Variants in COPB2 observed in about 807,000 individuals in gnomAD.
The protein encoded by COPB2 is coatomer subunit beta'.
Under a neutral mutation model 120.8 loss-of-function variants are expected in COPB2, and 16 were observed. The observed-to-expected ratio is 0.13, with a 90% CI of 0.09 to 0.20. The LOEUF is 0.20. Among genes scored for constraint, COPB2 ranks in the 10% least tolerant of loss-of-function variants. COPB2 has a pLI of 1.00. For missense variants in COPB2, 794 were observed against 1,076.5 expected (o/e 0.74, Z 3.67); for synonymous variants, 332 against 366.3 (o/e 0.91, Z 1.07).
At chr3:139,375,909 T>C (rs1941705038) in intron 5 of COPB2, among the ~76,000 whole-genome samples, 1 of 152,122 alleles carries the variant, frequency 6.6e-6, no homozygotes. Context: ...TGAAATTATT[T>C]TATTATAGAT....
chr3:139,364,846 C>T (rs575257127), intron 15 of COPB2, among the ~76,000 whole-genome samples: 1 of 152,224 alleles, frequency 6.6e-6, no homozygotes, highest in South Asian at 2.1e-4. Flanking sequence ...GGCCCAAGGA[C>T]ATCAGATACT....
chr3:139,370,671 T>C (rs561445943), intron 10 of COPB2, among the ~76,000 whole-genome samples: 3 of 152,174 alleles, frequency 2.0e-5, no homozygotes, highest in African/African-American at 7.2e-5. Flanking sequence ...TGGCTATCAC[T>C]GGATATTTAA....
In COPB2 at chr3:139,361,338, A is replaced by G. The variant is rs1053754913; in HGVS notation, c.1996-43T>C. ...CCAAGTTAAAATATCTTTAGAAATAAGCATTTACATTTCCAACATTATTCT... is the reference window on the plus strand; with the variant it reads ...CCAAGTTAAAATATCTTTAGAAATAGGCATTTACATTTCCAACATTATTCT... On this transcript the variant is annotated intron_variant, in intron 16 of 21. Coordinates refer to ENST00000333188, the MANE Select transcript of COPB2 (RefSeq NM_004766.3). 5.8e-6 allele frequency: 9 copies of G among 1,562,688 alleles called. No homozygotes were observed. The African/African-American group carries it at 8.2e-5, about 14-fold the overall frequency.
At position 139,357,467 on chromosome 3, in the gene COPB2, A is replaced by G. The variant is rs1941310154; in HGVS notation, c.*396T>C. 5.5e-6 allele frequency: 1 copy of G among 183,370 alleles called. No individual in the cohort carries two copies. The highest frequency in any genetic ancestry group is 1.1e-5 in the Non-Finnish European group (1 of 88,972). 11.4% of individuals were successfully genotyped at this position (183,370 alleles called of 1,614,324 possible). A position where few individuals can be genotyped will look rare whatever the true frequency, so the allele number is the denominator to read the frequency against. On this transcript the variant is annotated 3_prime_UTR_variant, in exon 22 of 22. Coordinates refer to ENST00000333188, the MANE Select transcript of COPB2 (RefSeq NM_004766.3). ...AAAATGTGATTGACAACATTTGAAA[A>G]TGCAGATTTAGTTATACAAAGAAAA...
chr3:139,360,145 A>G (rs1221003324), intron 17 of COPB2, among the ~76,000 whole-genome samples: 1 of 151,944 alleles, frequency 6.6e-6, no homozygotes, highest in Non-Finnish European at 1.5e-5. Flanking sequence ...ATTCACATAC[A>G]TACAATGGGG....
intron 12 of COPB2, among the ~76,000 whole-genome samples, chr3:139,368,855 TCTA>T (rs1941571369): frequency 6.6e-6 from 1 of 152,192 alleles, no homozygotes; most frequent in Admixed American, 6.5e-5. Flanking sequence ...AGCGGGCAGT[TCTA>T]AAGGTAAACA....
At chr3:139,381,995 A>G (rs1176839566) in intron 2 of COPB2, 1 of 152,238 alleles carries the variant, frequency 6.6e-6, no homozygotes, top group Non-Finnish European at 1.5e-5. Context: ...AACTAGTGAT[A>G]AGTGAAATGC....
At chr3:139,381,975 A>G (rs954060463) in intron 2 of COPB2, 1 of 152,256 alleles carries the variant, frequency 6.6e-6, no homozygotes, top group Admixed American at 6.5e-5. Flanking sequence ...TGTAGAGAAC[A>G]CAAATACTGA....
chr3:139,358,668 G>A (rs1941344341), intron 20 of COPB2, 76 bp downstream of exon 20: 5 of 1,055,706 alleles, frequency 4.7e-6, no homozygotes, highest in Middle Eastern at 2.0e-4. Context: ...GCAATGGAGC[G>A]AAACTCTGTC....
intron 4 of COPB2, 78 bp from the exon 5 acceptor site, chr3:139,378,267 G>A: frequency 7.4e-7 from 1 of 1,346,302 alleles, no homozygotes; most frequent in East Asian, 2.4e-5. Flanking sequence ...TTTAGAAGAA[G>A]CAAACCTAAC....
chr3:139,360,185 G>A (rs1941385406), intron 17 of COPB2, among the ~76,000 whole-genome samples: 3 of 63,860 alleles, frequency 4.7e-5, no homozygotes. Flanking sequence ...GGCGAAGTAT[G>A]GGATTGTAAA....
At position 139,389,621 on chromosome 3, in the gene COPB2, A is replaced by T; in HGVS notation, c.-71T>A. 1 of 1,457,398 alleles carries T rather than the reference A, an allele frequency of 6.9e-7. No individual in the cohort carries two copies. Among genetic ancestry groups the T allele is most frequent in the Non-Finnish European group, 9.4e-7 (1 of 1,062,120 alleles). 90.3% of individuals were successfully genotyped at this position (1,457,398 alleles called of 1,614,324 possible). A position where few individuals can be genotyped will look rare whatever the true frequency, so the allele number is the denominator to read the frequency against. ...CTCAGGCCTTGAGATAAACCCACCG[A>T]TCCACTGACCGTCAGACTGACTGAC... On this transcript the variant is annotated 5_prime_UTR_variant, in exon 1 of 22. Coordinates refer to ENST00000333188, the MANE Select transcript of COPB2 (RefSeq NM_004766.3).
At position 139,373,650 on chromosome 3, in the gene COPB2, G is replaced by C; in HGVS notation, c.894+16C>G. 1 of 1,613,896 alleles carries C rather than the reference G, an allele frequency of 6.2e-7. No homozygotes were observed. The highest frequency in any genetic ancestry group is 8.5e-7 in the Non-Finnish European group (1 of 1,179,948). ...TTTTGCCTATGTCCACCTACTGAGA[G>C]GGATAGTATAATTACCTTAACAATG... On this transcript the variant is annotated intron_variant, in intron 8 of 21. Transcript: ENST00000333188.
chr3:139,375,747 C>G, intron 5 of COPB2, 133 bp from the exon 6 acceptor site: 2 of 1,154,186 alleles, frequency 1.7e-6, no homozygotes, highest in Middle Eastern at 2.5e-4. Flanking sequence ...TATTTTTTAT[C>G]CTGTTTGGTT....
At chr3:139,368,018 G>C in intron 13 of COPB2, 127 bp downstream of exon 13, 2 of 950,114 alleles carry the variant, frequency 2.1e-6, no homozygotes, top group Non-Finnish European at 2.8e-6. Context: ...CATTTCACCA[G>C]AAATCCTTAA....
At chr3:139,376,803 G>A (rs953688331) in intron 5 of COPB2, among the ~76,000 whole-genome samples, 3 of 152,150 alleles carry the variant, frequency 2.0e-5, no homozygotes, top group Non-Finnish European at 2.9e-5. Flanking sequence ...AAGTTGGAGC[G>A]CAGTGGCGCA....
chr3:139,361,455 G>A (rs919363550), intron 16 of COPB2, among the ~76,000 whole-genome samples, 160 bp from the exon 17 acceptor site: 2 of 151,152 alleles, frequency 1.3e-5, no homozygotes, highest in African/African-American at 4.9e-5. Context: ...GTACAGTGAG[G>A]AAATGGAAAT....
intron 7 of COPB2, 65 bp downstream of exon 7, chr3:139,374,424 T>C: frequency 8.1e-7 from 1 of 1,238,270 alleles, no homozygotes; most frequent in Non-Finnish European, 1.2e-6. Context: ...TGCAGAGACA[T>C]TACTTGCTTT....
chr3:139,362,095 G>A (rs1941429912), intron 16 of COPB2, among the ~76,000 whole-genome samples: 2 of 152,134 alleles, frequency 1.3e-5, no homozygotes, highest in African/African-American at 4.8e-5. Flanking sequence ...GTACTCTTAG[G>A]CTTTCCAGAC....
Sources: allele counts gnomAD v4.1 joint callset (sites outside exome capture counted in the v4.1 genomes callset), GRCh38; gene constraint gnomAD v4.1.1; transcripts MANE v1.5; gene names NCBI Gene and HGNC (gene_info 2026-07-23, HGNC 2026-07-21).